IL1R1: variants seen among roughly 807,000 people sequenced by gnomAD.
IL1R1 encodes the protein interleukin-1 receptor type 1.
IL1R1 carries 22 observed loss-of-function variants against 50.2 expected under a neutral mutation model. The observed-to-expected ratio is 0.44, with a 90% CI of 0.31 to 0.63. The LOEUF is 0.63. Ranked by LOEUF, IL1R1 falls within the 20% of genes least tolerant of loss-of-function variation. IL1R1 has a pLI of 0.07. For missense variants in IL1R1, 509 were observed against 676.2 expected, an observed-to-expected ratio of 0.75 and a Z score of 2.74; for synonymous variants, 251 against 236.7, an observed-to-expected ratio of 1.06 and a Z score of -0.55.
At chr2:102,078,252 G>GA (rs1679059029) in intron 1 of IL1R1, among the ~76,000 whole-genome samples, 2 of 151,918 alleles carry the variant, frequency 1.3e-5, no homozygotes, top group South Asian at 4.1e-4. Flanking sequence ...AAAAAATAGA[G>GA]AAAATCAACA....
chr2:102,157,742 A>G lies in IL1R1; in HGVS notation c.18A>G (p.Arg6=). The G allele has an allele frequency of 6.2e-7, 1 of 1,606,302 alleles. No homozygotes were observed. The highest frequency in any genetic ancestry group is 8.5e-7 in the Non-Finnish European group (1 of 1,173,258). MKVLL[R]LICFIALLIS... ...AGAAGAATATGAAAGTGTTACTCAG[A>G]CTTATTTGTTTCATAGCTCTACTGA... The change falls in exon 3 of 12, where the codon AGA becomes AGG. Residue 6 remains arginine, a synonymous_variant. Coordinates refer to ENST00000410023, the MANE Select transcript of IL1R1 (RefSeq NM_000877.4).
intron 1 of IL1R1, among the ~76,000 whole-genome samples, chr2:102,093,824 ACCT>A (rs1679784460): frequency 6.6e-6 from 1 of 151,820 alleles, no homozygotes; most frequent in Non-Finnish European, 1.5e-5. Context: ...CCTGGTCCCC[ACCT>A]CCTCTGAGTG....
In IL1R1 at chr2:102,178,442, A is replaced by T. The variant is rs903221361; in HGVS notation, c.*1683A>T. 2.6e-5 allele frequency: 4 copies of T among 152,222 alleles called. No individual in the cohort carries two copies. The highest frequency in any genetic ancestry group is 9.7e-5 in the African/African-American group (4 of 41,440). 9.4% of individuals were successfully genotyped at this position (152,222 alleles called of 1,614,324 possible). On this transcript the variant is annotated 3_prime_UTR_variant, in exon 12 of 12. Coordinates refer to ENST00000410023, the MANE Select transcript of IL1R1 (RefSeq NM_000877.4). Reference sequence around the variant, plus strand: ...ATTATCTTATTTAATTTTTGCAATTATTCTAATTTTATATATAGAGAAAGT... The same window carrying T: ...ATTATCTTATTTAATTTTTGCAATTTTTCTAATTTTATATATAGAGAAAGT...
rs1686169010 is a variant in IL1R1 at position 102,176,703 on chromosome 2, C to T, written c.1654C>T (p.Leu552=). 6.2e-7 allele frequency: 1 copy of T among 1,614,214 alleles called. No homozygotes were observed. Among genetic ancestry groups the T allele is most frequent in the East Asian group, 2.2e-5 (1 of 44,882 alleles). Residue 552 remains leucine (L), a synonymous_variant, in exon 12 of 12, where the codon CTG becomes TTG. Transcript: ENST00000410023. ...GTCACCTTCATCTAAACACCAGTTA[C>T]TGTCACCAGCCACTAAGGAGAAACT... is the stretch of plus-strand genomic sequence containing the variant. ...RRSPSSKHQL[L]SPATKEKLQR...
At chr2:102,115,695 AG>A (rs991226773) in intron 1 of IL1R1, among the ~76,000 whole-genome samples, 22 of 152,194 alleles carry the variant, frequency 1.4e-4, no homozygotes, top group Admixed American at 9.2e-4. Context: ...TAGGCCTTGG[AG>A]GGGGGAGAAG....
In IL1R1 at chr2:102,106,292, T is replaced by C. The variant is rs541067035; in HGVS notation, c.-84+1420T>C. ...TTTGATGCCAGAGATTGGTGTTTAC[T>C]ATAAATGTGTTGATCTGTTAGGAAA... On this transcript the variant is annotated intron_variant, in intron 1 of 10. Transcript: ENST00000409329. 2.6e-5 allele frequency among the ~76,000 whole-genome samples: 4 copies of C among 152,282 alleles called. No individual in the cohort carries two copies. The South Asian group carries it at 8.3e-4, about 32-fold the overall frequency.
At chr2:102,080,748 G>A (rs187717922) in intron 1 of IL1R1, among the ~76,000 whole-genome samples, 5 of 152,214 alleles carry the variant, frequency 3.3e-5, no homozygotes, top group Admixed American at 3.3e-4. Flanking sequence ...ACAAAAATCT[G>A]TACACCAATT....
intron 8 of IL1R1, chr2:102,172,181 G>A (rs1007540132): frequency 6.2e-5 from 46 of 744,194 alleles, no homozygotes; most frequent in Non-Finnish European, 7.2e-5. Flanking sequence ...ACATTTCAAC[G>A]AAGCAATTAT....
At chr2:102,120,911 T>A (rs1291407721) in intron 1 of IL1R1, among the ~76,000 whole-genome samples, 2 of 152,204 alleles carry the variant, frequency 1.3e-5, no homozygotes, top group African/African-American at 4.8e-5. Flanking sequence ...GCACATGTGG[T>A]CCACATCCGG....
At chr2:102,117,227 G>A (rs191802773) in intron 1 of IL1R1, among the ~76,000 whole-genome samples, 4 of 152,230 alleles carry the variant, frequency 2.6e-5, no homozygotes, top group East Asian at 3.9e-4. Flanking sequence ...AAATAACAAC[G>A]CAAAGCACTG....
intron 1 of IL1R1, among the ~76,000 whole-genome samples, chr2:102,078,112 C>CA (rs1195278342): frequency 6.6e-6 from 1 of 151,460 alleles, no homozygotes; most frequent in Non-Finnish European, 1.5e-5. Context: ...GAGTATATTA[C>CA]AAAAAAGGAT....
At chr2:102,169,130 G>A (rs909054739) in intron 7 of IL1R1, among the ~76,000 whole-genome samples, 5 of 152,234 alleles carry the variant, frequency 3.3e-5, no homozygotes, top group African/African-American at 7.2e-5. Flanking sequence ...ATCATTGTAC[G>A]ACAGACATCA....
At chr2:102,138,267 C>T (rs1367925783), upstream of IL1R1, among the ~76,000 whole-genome samples, 1 of 152,164 alleles carries the variant, frequency 6.6e-6, no homozygotes, top group Admixed American at 6.5e-5. Context: ...GTCTATTGGC[C>T]TCTGGAACTT....
intron 1 of IL1R1, among the ~76,000 whole-genome samples, chr2:102,084,723 C>T (rs1679364695): frequency 6.7e-6 from 1 of 149,798 alleles, no homozygotes; most frequent in Admixed American, 6.6e-5. Context: ...CTTTGGTTGA[C>T]ATTTCTACTA....
intron 1 of IL1R1, among the ~76,000 whole-genome samples, chr2:102,131,194 C>T (rs1682010818): frequency 6.6e-6 from 1 of 152,100 alleles, no homozygotes; most frequent in African/African-American, 2.4e-5. Context: ...AAAATGAGTC[C>T]TAGAGTGAAT....
chr2:102,146,340 A>T (rs1172321971), intron 1 of IL1R1, among the ~76,000 whole-genome samples: 13 of 152,354 alleles, frequency 8.5e-5, no homozygotes, highest in African/African-American at 3.1e-4. Flanking sequence ...TTTTGAAACG[A>T]TATAATAAAA....
chr2:102,152,690 C>A (rs1167409222), intron 1 of IL1R1, among the ~76,000 whole-genome samples: 1 of 151,794 alleles, frequency 6.6e-6, no homozygotes, highest in Non-Finnish European at 1.5e-5. Context: ...ATATCTGGGG[C>A]ATACTCACAG....
chr2:102,171,889 T>C lies in IL1R1; in HGVS notation c.810T>C (p.Asp270=). 1 of 1,604,034 alleles carries C rather than the reference T, an allele frequency of 6.2e-7. No homozygotes were observed. Among genetic ancestry groups the C allele is most frequent in the Non-Finnish European group, 8.5e-7 (1 of 1,171,888 alleles). Residue 270 remains aspartate, a synonymous_variant, in exon 8 of 12, where the codon GAT becomes GAC. Transcript: ENST00000410023. ...WKWNGSVIDE[D]DPVLGEDYYS... The stretch of plus-strand genomic sequence containing the variant: ...GGAATGGGTCAGTAATTGATGAAGA[T>C]GACCCAGTGCTAGGGGAAGACTATT...
At chr2:102,132,482 A>G (rs762155618) in intron 1 of IL1R1, among the ~76,000 whole-genome samples, 3 of 152,170 alleles carry the variant, frequency 2.0e-5, no homozygotes, top group Non-Finnish European at 2.9e-5. Flanking sequence ...TGTTTTAAAA[A>G]GAAGAAAATT....
Sources: gnomAD v4.1 joint callset for allele counts (sites outside exome capture counted in the v4.1 genomes callset) on GRCh38, gnomAD v4.1.1 for gene constraint, MANE v1.5 for transcripts, NCBI Gene and HGNC (gene_info 2026-07-23, HGNC 2026-07-21) for gene names.